Variants in PHF2 observed in about 807,000 individuals in gnomAD.
PHF2 encodes the protein lysine-specific demethylase PHF2.
PHF2 carries 27 observed loss-of-function variants against 120.5 expected under a neutral mutation model. The ratio of observed to expected loss-of-function variants is 0.22; its 90% confidence interval spans 0.17 to 0.31. The LOEUF (loss-of-function observed/expected upper bound fraction) is 0.31, where lower values mean the gene tolerates loss of function less well. Among genes scored for constraint, PHF2 ranks in the 10% least tolerant of loss-of-function variants. The probability of loss-of-function intolerance (pLI) is 1.00; values close to 1 mark genes in which losing one functional copy is unlikely to be tolerated. For missense variants in PHF2, 1,024 were observed against 1,434.8 expected (o/e 0.71, Z 4.63); for synonymous variants, 568 against 592.5 (o/e 0.96, Z 0.60).
chr9:93,610,763 C>G (rs1470821939), intron 1 of PHF2, among the ~76,000 whole-genome samples: 1 of 152,202 alleles, frequency 6.6e-6, no homozygotes, highest in Non-Finnish European at 1.5e-5. Flanking sequence ...TGCTTGCCCC[C>G]CTGCTTCCTA....
chr9:93,642,647 A>C (rs1234437339), intron 3 of PHF2, among the ~76,000 whole-genome samples: 2 of 152,118 alleles, frequency 1.3e-5, no homozygotes, highest in East Asian at 3.8e-4. Context: ...TGTTTGATGT[A>C]CTCAGTACAT....
intron 2 of PHF2, among the ~76,000 whole-genome samples, chr9:93,633,400 G>A (rs72747414): frequency 0.11 from 17,121 of 152,240 alleles, 1,242 homozygotes; most frequent in Non-Finnish European, 0.17. Flanking sequence ...GGTTAGAAGC[G>A]GCCCTGAATT....
At chr9:93,590,371 G>A (rs1456607830) in intron 1 of PHF2, among the ~76,000 whole-genome samples, 1 of 152,182 alleles carries the variant, frequency 6.6e-6, no homozygotes, top group Non-Finnish European at 1.5e-5. Flanking sequence ...GATATGAGAA[G>A]GGCGCCCCAC....
intron 1 of PHF2, among the ~76,000 whole-genome samples, chr9:93,592,515 TC>T (rs1825247565): frequency 6.6e-6 from 1 of 152,270 alleles, no homozygotes; most frequent in African/African-American, 2.4e-5. Flanking sequence ...TCATGGCAGT[TC>T]CTGGAATATC....
chr9:93,672,105 C>T (rs1393096233), intron 17 of PHF2, among the ~76,000 whole-genome samples: 2 of 101,524 alleles, frequency 2.0e-5, no homozygotes, highest in Admixed American at 9.6e-5. Flanking sequence ...GATGTAGGTA[C>T]AGGTGTAGAT....
intron 14 of PHF2, 128 bp from the exon 15 acceptor site, chr9:93,665,558 T>C: frequency 1.0e-6 from 1 of 956,104 alleles, no homozygotes; most frequent in Non-Finnish European, 1.5e-6. Flanking sequence ...ATTCAAATAG[T>C]GGCAACGTCA....
chr9:93,676,385 C>CTAA (rs1286148287), intron 20 of PHF2, among the ~76,000 whole-genome samples: 1 of 152,210 alleles, frequency 6.6e-6, no homozygotes, highest in Non-Finnish European at 1.5e-5. Flanking sequence ...TTAACTCACA[C>CTAA]TGACAGGGAG....
chr9:93,605,706 G>A (rs1825530408), intron 1 of PHF2, among the ~76,000 whole-genome samples: 1 of 152,064 alleles, frequency 6.6e-6, no homozygotes, highest in East Asian at 1.9e-4. Flanking sequence ...AGTAATATAC[G>A]TTTAAGACTC....
At chr9:93,582,871 A>G (rs973644147) in intron 1 of PHF2, among the ~76,000 whole-genome samples, 7 of 152,242 alleles carry the variant, frequency 4.6e-5, no homozygotes, top group African/African-American at 1.7e-4. Flanking sequence ...AGAAATGTGC[A>G]CATGGGGAAA....
At chr9:93,662,872 G>A in intron 12 of PHF2, 35 bp from the exon 13 acceptor site, 1 of 1,612,538 alleles carries the variant, frequency 6.2e-7, no homozygotes, top group South Asian at 1.1e-5. Flanking sequence ...AGCCCTCTAT[G>A]TCTGCCTCTG....
rs7044920 is a variant in PHF2, at chr9:93,595,013, G to A, written c.98+18142G>A. On this transcript the variant is annotated intron_variant, in intron 1 of 21. Transcript: ENST00000359246. ...TACTTACAGATGCCAATCACCAGCAGGTACTCAGGTACTTACAAATACTAA... is the reference window on the plus strand; with the variant it reads ...TACTTACAGATGCCAATCACCAGCAAGTACTCAGGTACTTACAAATACTAA... The A allele has an allele frequency of 5.9e-3, 897 of 152,722 alleles. 10 individuals carry two copies. The highest frequency in any genetic ancestry group is 0.021 in the African/African-American group (857 of 41,570). 9.5% of individuals were successfully genotyped at this position (152,722 alleles called of 1,614,324 possible).
chr9:93,593,789 A>G (rs1825279597), intron 1 of PHF2, among the ~76,000 whole-genome samples: 1 of 152,220 alleles, frequency 6.6e-6, no homozygotes, highest in Non-Finnish European at 1.5e-5. Context: ...ATTAAATGAA[A>G]CACTACACAC....
In PHF2 at chr9:93,656,075, C is replaced by G. The variant is rs1157599277; in HGVS notation, c.1040+54C>G. On this transcript the variant is annotated intron_variant, in intron 8 of 21. Coordinates refer to ENST00000359246, the MANE Select transcript of PHF2 (RefSeq NM_005392.4). The surrounding 1 kb of genome is among the most constrained non-coding windows in gnomAD (Gnocchi z 4.1). Reference sequence around the variant, plus strand: ...GGCTCCGCAGAGCAGCGTCCTCCCTCTAGCTGGGTCGGTGCTAGATGCCTT... The same window carrying G: ...GGCTCCGCAGAGCAGCGTCCTCCCTGTAGCTGGGTCGGTGCTAGATGCCTT... The G allele has an allele frequency of 1.4e-6, 2 of 1,475,372 alleles. No individual in the cohort carries two copies. Among genetic ancestry groups the G allele is most frequent in the African/African-American group, 2.8e-5 (2 of 71,910 alleles). 91.4% of individuals were successfully genotyped at this position (1,475,372 alleles called of 1,614,324 possible).
At chr9:93,634,774 G>A (rs1587696018) in intron 2 of PHF2, among the ~76,000 whole-genome samples, 1 of 152,222 alleles carries the variant, frequency 6.6e-6, no homozygotes, top group African/African-American at 2.4e-5. Flanking sequence ...CCCAGTACTG[G>A]GCATAGGGGA....
chr9:93,591,102 G>C (rs1265288857), intron 1 of PHF2, among the ~76,000 whole-genome samples: 1 of 152,126 alleles, frequency 6.6e-6, no homozygotes, highest in Non-Finnish European at 1.5e-5. Context: ...CCTGTCATGG[G>C]GGCCAGCAGC....
chr9:93,627,492 A>ATTTTTT lies in PHF2; in HGVS notation c.99-2467_99-2462dup, dbSNP rs55647503. The stretch of plus-strand genomic sequence containing the variant: ...CAATTCAGACTCCTTTTATTTCAGG[A>ATTTTTT]TTTTTTTTTTTTTTTTGTCTAATTG... On this transcript the variant is annotated intron_variant, in intron 1 of 21. Transcript: ENST00000359246. Among the ~76,000 whole-genome samples the ATTTTTT allele has an allele frequency of 5.5e-4, 60 of 108,136 alleles. 2 individuals are homozygous for ATTTTTT. The East Asian group carries it at 0.01, about 18-fold the overall frequency. 70.9% of individuals were successfully genotyped at this position (108,136 alleles called of 152,430 possible).
intron 2 of PHF2, among the ~76,000 whole-genome samples, chr9:93,630,854 C>A (rs1198490867): frequency 4.6e-5 from 7 of 152,184 alleles, no homozygotes; most frequent in Admixed American, 4.6e-4. Flanking sequence ...TTCCACTTCA[C>A]TGGAGGGTCT....
At chr9:93,582,193 T>G (rs1862944261) in intron 1 of PHF2, among the ~76,000 whole-genome samples, 1 of 152,220 alleles carries the variant, frequency 6.6e-6, no homozygotes. Flanking sequence ...AGGTGCACTC[T>G]GAGCTGCAGC....
chr9:93,661,271 T>G (rs1270783723), intron 12 of PHF2, among the ~76,000 whole-genome samples: 1 of 152,156 alleles, frequency 6.6e-6, no homozygotes, highest in Non-Finnish European at 1.5e-5. Context: ...GGTCGTTATC[T>G]GCTTCCTGGG....
Sources: allele counts gnomAD v4.1 joint callset (sites outside exome capture counted in the v4.1 genomes callset), GRCh38; gene constraint gnomAD v4.1.1; non-coding constraint Gnocchi (gnomAD v3.1); transcripts MANE v1.5; gene names NCBI Gene and HGNC (gene_info 2026-07-23, HGNC 2026-07-21).